Variants in SEMA4A observed in about 807,000 individuals in gnomAD.
SEMA4A encodes semaphorin 4A.
A neutral mutation model predicts 72.5 loss-of-function variants in SEMA4A; 52 were observed. That is an observed-to-expected ratio of 0.72 (90% confidence interval 0.57 to 0.90). The LOEUF (loss-of-function observed/expected upper bound fraction) is 0.90, where lower values mean the gene tolerates loss of function less well. Among genes scored for constraint, SEMA4A ranks in the 40% least tolerant of loss-of-function variants. SEMA4A has a pLI of 0.00. For synonymous variants in SEMA4A, 369 were observed against 393.1 expected, an observed-to-expected ratio of 0.94 and a Z score of 0.73; for missense variants, 926 against 959.7, an observed-to-expected ratio of 0.96 and a Z score of 0.46.
At chr1:156,161,266 G>T (rs1390727573) in intron 8 of SEMA4A, 80 bp from the exon 9 acceptor site, 15 of 1,002,760 alleles carry the variant, frequency 1.5e-5, no homozygotes, top group Non-Finnish European at 2.0e-5. Flanking sequence ...GACACGCCGA[G>T]CTGCGGGGGG....
rs759372617 is a variant in SEMA4A at position 156,162,941 on chromosome 1, C to T, written c.984-3C>T. On this transcript the variant is annotated splice_region_variant and splice_polypyrimidine_tract_variant and intron_variant, in intron 9 of 14. Coordinates refer to ENST00000368285, the MANE Select transcript of SEMA4A (RefSeq NM_022367.4). ...AGACAATGTTCCCTCTGGCTGTCTCCAGGCAGGTTGGCGGGACCAGGAGCT... is the reference window on the plus strand; with the variant it reads ...AGACAATGTTCCCTCTGGCTGTCTCTAGGCAGGTTGGCGGGACCAGGAGCT... The T allele has an allele frequency of 9.9e-6, 16 of 1,613,428 alleles. No individual in the cohort carries two copies. The South Asian group carries it at 1.8e-4, about 18-fold the overall frequency.
chr1:156,158,585 A>G (rs1653269049), intron 5 of SEMA4A, 99 bp downstream of exon 5: 2 of 1,303,414 alleles, frequency 1.5e-6, no homozygotes, highest in African/African-American at 2.9e-5. Flanking sequence ...GGCCTTCCAG[A>G]TGCAGGACCC....
chr1:156,165,219 C>G (rs1654047075), intron 10 of SEMA4A, among the ~76,000 whole-genome samples: 1 of 152,188 alleles, frequency 6.6e-6, no homozygotes, highest in East Asian at 1.9e-4. Context: ...TCTGACTGCT[C>G]CAGTCTAGAC....
chr1:156,177,560 T>C lies in SEMA4A; in HGVS notation c.*563T>C, dbSNP rs1467836020. The C allele has an allele frequency of 1.1e-5, 2 of 178,694 alleles. No homozygotes were observed. The highest frequency in any genetic ancestry group is 1.4e-4 in the East Asian group (1 of 7,282). 11.1% of individuals were successfully genotyped at this position (178,694 alleles called of 1,614,324 possible). A position where few individuals can be genotyped will look rare whatever the true frequency, so the allele number is the denominator to read the frequency against. On this transcript the variant is annotated 3_prime_UTR_variant, in exon 15 of 15. Coordinates refer to ENST00000368285, the MANE Select transcript of SEMA4A (RefSeq NM_022367.4). ...TCCTGAAGTCTGACCACCTTTCTTC[T>C]TGCTTCAGTTGGGGCAGACTCTGAT...
intron 2 of SEMA4A, 54 bp from the exon 3 acceptor site, chr1:156,156,360 C>T (rs984932678): frequency 4.5e-6 from 7 of 1,572,446 alleles, no homozygotes; most frequent in Non-Finnish European, 5.3e-6. Flanking sequence ...TCTCAGGAGT[C>T]AGCTGCCTGC....
At position 156,154,657 on chromosome 1, in the gene SEMA4A, C is replaced by CCGA. The variant is rs760427067; in HGVS notation, c.87_89dup (p.Thr30dup). The stretch of plus-strand genomic sequence containing the variant: ...CTTCCAACTGCTTCAGCTGCTGCTG[C>CCGA]CGACGACGACCGCGGGGGGAGGCGG... On this transcript the variant is annotated inframe_insertion, in exon 2 of 15. Coordinates refer to ENST00000368285, the MANE Select transcript of SEMA4A (RefSeq NM_022367.4). The CCGA allele has an allele frequency of 1.2e-5, 19 of 1,604,788 alleles. No individual in the cohort carries two copies. Among genetic ancestry groups the CCGA allele is most frequent in the Non-Finnish European group, 1.5e-5 (18 of 1,176,316 alleles).
rs1423269910 is a variant in SEMA4A, at chr1:156,174,949, G to A, written c.1434+9G>A. On this transcript the variant is annotated intron_variant, in intron 12 of 14. Coordinates refer to ENST00000368285, the MANE Select transcript of SEMA4A (RefSeq NM_022367.4). Reference sequence around the variant, plus strand: ...AGCTGGCCCCCACCCAGGTGGGAAGGGACCTGACCATCAAATGGCCTTCCA... The same window carrying A: ...AGCTGGCCCCCACCCAGGTGGGAAGAGACCTGACCATCAAATGGCCTTCCA... 6.2e-7 allele frequency: 1 copy of A among 1,614,114 alleles called. No individual in the cohort carries two copies.
chr1:156,163,252 C>A, intron 10 of SEMA4A, 158 bp downstream of exon 10: 1 of 772,868 alleles, frequency 1.3e-6, no homozygotes, highest in Non-Finnish European at 2.1e-6. Flanking sequence ...GCCTATATTC[C>A]ACATGTGCCT....
rs7695 is a variant in SEMA4A at position 156,177,535 on chromosome 1, T to C, written c.*538T>C. ...GCACCGCTGACTCCCAGGAAGTCTT[T>C]CCTGAAGTCTGACCACCTTTCTTCT... is the stretch of plus-strand genomic sequence containing the variant. On this transcript the variant is annotated 3_prime_UTR_variant, in exon 15 of 15. Coordinates refer to ENST00000368285, the MANE Select transcript of SEMA4A (RefSeq NM_022367.4). 63,398 of 182,336 alleles carry C rather than the reference T, an allele frequency of 0.35. 11,750 individuals carry two copies. The highest frequency in any genetic ancestry group is 0.39 in the Non-Finnish European group (32,895 of 84,160). The allele number at this position is 182,336 out of a possible 1,614,324, so 11.3% of individuals were successfully genotyped here. A position where few individuals can be genotyped will look rare whatever the true frequency, so the allele number is the denominator to read the frequency against.
chr1:156,158,047 C>A (rs772350136), intron 3 of SEMA4A, 23 bp from the exon 4 acceptor site: 1 of 1,613,646 alleles, frequency 6.2e-7, no homozygotes, highest in East Asian at 2.2e-5. Context: ...TTTCATCTCG[C>A]CCTCCCAACT....
intron 6 of SEMA4A, 200 bp downstream of exon 6, chr1:156,159,024 A>G: frequency 7.0e-6 from 3 of 427,994 alleles, no homozygotes; most frequent in Non-Finnish European, 1.3e-5. Context: ...ACACAGCGAG[A>G]TCGTCTCAAA....
At position 156,172,867 on chromosome 1, in the gene SEMA4A, G is replaced by A; in HGVS notation, c.1176G>A (p.Met392Ile). The A allele has an allele frequency of 1.1e-5, 18 of 1,614,180 alleles. No homozygotes were observed. The highest frequency in any genetic ancestry group is 1.5e-5 in the Non-Finnish European group (18 of 1,180,036). ...CCTCTGATAAGGCCCTGACCTTCAT[G>A]AAGGACCATTTCCTGATGGATGAGC... is the stretch of plus-strand genomic sequence containing the variant. ...GPSSDKALTF[M>I]KDHFLMDEQV... Residue 392 changes from methionine (M) to isoleucine (I), a missense_variant, in exon 11 of 15, where the codon ATG becomes ATA. Coordinates refer to ENST00000368285, the MANE Select transcript of SEMA4A (RefSeq NM_022367.4).
At chr1:156,173,878 G>A (rs1300005832) in intron 11 of SEMA4A, among the ~76,000 whole-genome samples, 1 of 152,164 alleles carries the variant, frequency 6.6e-6, no homozygotes, top group Non-Finnish European at 1.5e-5. Flanking sequence ...GGGAGGCTGA[G>A]GTGGGTGGAT....
At chr1:156,169,407 CTTTTTTTTTTTT>C (rs766983966) in intron 10 of SEMA4A, among the ~76,000 whole-genome samples, 3 of 85,302 alleles carry the variant, frequency 3.5e-5, no homozygotes, top group South Asian at 4.0e-4. Flanking sequence ...CTTTTCTTTT[CTTTTTTTTTTTT>C]TTTTTTTTTT....
intron 6 of SEMA4A, 155 bp downstream of exon 6, chr1:156,158,979 T>A (rs1280073896): frequency 1.5e-6 from 1 of 689,398 alleles, no homozygotes; most frequent in Admixed American, 2.1e-5. Flanking sequence ...AGTTGAAGGA[T>A]GCTTGAGTTT....
At chr1:156,175,705 T>G in intron 14 of SEMA4A, 49 bp downstream of exon 14, 6 of 1,385,316 alleles carry the variant, frequency 4.3e-6, no homozygotes, top group Non-Finnish European at 6.0e-6. Context: ...TCTGGAAGAC[T>G]TTTGGGCAGG....
At chr1:156,170,919 A>G (rs780464941) in intron 10 of SEMA4A, among the ~76,000 whole-genome samples, 22 of 152,012 alleles carry the variant, frequency 1.4e-4, no homozygotes, top group Middle Eastern at 3.4e-3. Context: ...ACCCTGTTTC[A>G]AAAAACAATT....
intron 2 of SEMA4A, 134 bp downstream of exon 2, chr1:156,154,851 A>C (rs1405928967): frequency 9.1e-7 from 1 of 1,100,322 alleles, no homozygotes; most frequent in Non-Finnish European, 1.3e-6. Context: ...GCCAGGGAGA[A>C]ACAGAGGATC....
chr1:156,160,641 A>G (rs1032602117), intron 7 of SEMA4A, 82 bp downstream of exon 7: 2 of 1,273,502 alleles, frequency 1.6e-6, no homozygotes, highest in Admixed American at 3.6e-5. Context: ...TGCGGAAGGT[A>G]CAATGTGTCC....
Sources: allele counts gnomAD v4.1 joint callset (sites outside exome capture counted in the v4.1 genomes callset), GRCh38; gene constraint gnomAD v4.1.1; transcripts MANE v1.5; gene names NCBI Gene and HGNC (gene_info 2026-07-23, HGNC 2026-07-21).